TMEM25: variants seen among roughly 807,000 people sequenced by gnomAD.
TMEM25 encodes the protein 0610039J01Rik.
In TMEM25, 36 loss-of-function variants were observed where a neutral mutation model predicts 37.0. That is an observed-to-expected ratio of 0.97 (90% confidence interval 0.75 to 1.28). The LOEUF (loss-of-function observed/expected upper bound fraction) is 1.28. Among genes scored for constraint, TMEM25 ranks in the 50% most tolerant of loss-of-function variants. The probability of loss-of-function intolerance (pLI) is 0.00; values close to 1 mark genes in which losing one functional copy is unlikely to be tolerated. For missense variants in TMEM25, 444 were observed against 477.9 expected (o/e 0.93, Z 0.66); for synonymous variants, 197 against 203.7 (o/e 0.97, Z 0.28).
chr11:118,536,964 TC>T (rs1395629876), downstream of TMEM25, among the ~76,000 whole-genome samples: 132 of 152,286 alleles, frequency 8.7e-4, no homozygotes, highest in African/African-American at 3.1e-3. Flanking sequence ...AGCCTTGAAC[TC>T]CTGTGTTCAA....
chr11:118,541,223 G>A (rs1425732849), intron 8 of TMEM25, among the ~76,000 whole-genome samples: 2 of 152,068 alleles, frequency 1.3e-5, no homozygotes, highest in South Asian at 2.1e-4. Flanking sequence ...AGCACTTTGG[G>A]AGGCCAAGGC....
downstream of TMEM25, among the ~76,000 whole-genome samples, chr11:118,540,227 A>G (rs990011300): frequency 6.6e-6 from 1 of 151,592 alleles, no homozygotes; most frequent in Non-Finnish European, 1.5e-5. Context: ...CTCCTGCCTC[A>G]GCCTCCCCAC....
chr11:118,535,234 C>A lies in TMEM25; in HGVS notation c.*654C>A. ...TAGGTTACACGTTGGACCTTCTCTACTACTTCACTGGGCACTAGACTTTTC... is the reference window on the plus strand; with the variant it reads ...TAGGTTACACGTTGGACCTTCTCTAATACTTCACTGGGCACTAGACTTTTC... On this transcript the variant is annotated 3_prime_UTR_variant, in exon 9 of 9. Coordinates refer to ENST00000313236, the MANE Select transcript of TMEM25 (RefSeq NM_032780.4). 8.7e-7 allele frequency: 1 copy of A among 1,145,808 alleles called. No individual in the cohort carries two copies. The highest frequency in any genetic ancestry group is 1.1e-6 in the Non-Finnish European group (1 of 932,166). The allele number at this position is 1,145,808 out of a possible 1,614,324, so 71.0% of individuals were successfully genotyped here.
rs1305656082 is a variant in TMEM25, at chr11:118,534,666, C to T, written c.*86C>T. On this transcript the variant is annotated 3_prime_UTR_variant, in exon 9 of 9. Coordinates refer to ENST00000313236, the MANE Select transcript of TMEM25 (RefSeq NM_032780.4). The surrounding 1 kb of genome is among the most constrained non-coding windows in gnomAD (Gnocchi z 4.6). ...ATCCTCTACCTAGCTAGGTCACCAA[C>T]GTGAAGAAGTTATGCCACTGCCACT... The T allele has an allele frequency of 8.9e-6, 14 of 1,565,114 alleles. No homozygotes were observed. The East Asian group carries it at 1.6e-4, about 18-fold the overall frequency.
chr11:118,539,599 A>G (rs117064202), downstream of TMEM25, among the ~76,000 whole-genome samples: 648 of 152,154 alleles, frequency 4.3e-3, 5 homozygotes, highest in Non-Finnish European at 7.2e-3. Flanking sequence ...ACCATGAGAG[A>G]TAGGGGGTCC....
At chr11:118,532,717 C>T in intron 3 of TMEM25, 200 bp from the exon 4 acceptor site, 1 of 818,616 alleles carries the variant, frequency 1.2e-6, no homozygotes, top group Non-Finnish European at 1.9e-6. Context: ...AGCCAGGATT[C>T]ACATCTGGGC....
intron 8 of TMEM25, among the ~76,000 whole-genome samples, chr11:118,541,346 T>C (rs1166769776): frequency 2.0e-5 from 3 of 150,904 alleles, no homozygotes; most frequent in Non-Finnish European, 4.4e-5. Flanking sequence ...CCTGTAGTCC[T>C]AACTACTCGG....
At chr11:118,545,588 G>C in intron 8 of TMEM25, 1 of 1,180,176 alleles carries the variant, frequency 8.5e-7, no homozygotes, top group Non-Finnish European at 1.3e-6. Flanking sequence ...TGGCAGATGG[G>C]GTGTCGCTAT....
chr11:118,537,758 G>C (rs1392733399), downstream of TMEM25, among the ~76,000 whole-genome samples: 1 of 152,078 alleles, frequency 6.6e-6, no homozygotes, highest in Non-Finnish European at 1.5e-5. Flanking sequence ...TTTAGTTTCT[G>C]AGAAATTACA....
chr11:118,531,328 C>T (rs1238656271), intron 1 of TMEM25, 94 bp downstream of exon 1: 1 of 335,852 alleles, frequency 3.0e-6, no homozygotes, highest in African/African-American at 2.2e-5. Context: ...CCGGAGCCAC[C>T]AACATCAGGA....
Position 118,533,197 on chromosome 11 carries a change from T to C in TMEM25, c.663T>C (p.Leu221=). 1.3e-6 allele frequency: 2 copies of C among 1,595,452 alleles called. No homozygotes were observed. Among genetic ancestry groups the C allele is most frequent in the Non-Finnish European group, 1.7e-6 (2 of 1,174,774 alleles). Residue 221 remains leucine, a synonymous_variant, in exon 4 of 9, where the codon CTT becomes CTC. Transcript: ENST00000313236. The part of the protein sequence containing the change: ...TNDVGVTSAS[L]PAPGLLATRV... Reference sequence around the variant, plus strand: ...ACGTGGGTGTCACCAGTGCGTCGCTTCCAGCCCCAGGTGAGCATGGCCAGC... The same window carrying C: ...ACGTGGGTGTCACCAGTGCGTCGCTCCCAGCCCCAGGTGAGCATGGCCAGC...
Position 118,533,030 on chromosome 11 carries a change from A to C in TMEM25, c.496A>C (p.Ile166Leu), listed in dbSNP as rs201591547. 1 of 1,614,226 alleles carries C rather than the reference A, an allele frequency of 6.2e-7. No individual in the cohort carries two copies. Residue 166 changes from isoleucine (I) to leucine (L), a missense_variant, in exon 4 of 9, where the codon ATC (isoleucine) becomes CTC (leucine). Coordinates refer to ENST00000313236, the MANE Select transcript of TMEM25 (RefSeq NM_032780.4). The stretch of plus-strand genomic sequence containing the variant: ...CAACCCGCCGGCCAATGTCACCTGG[A>C]TCGACCAGGATGGGCCAGTGACTGT... Reference protein sequence around the residue: ...RANPPANVTWIDQDGPVTVNT... With the variant: ...RANPPANVTWLDQDGPVTVNT...
chr11:118,542,941 C>A (rs974633048), intron 8 of TMEM25, among the ~76,000 whole-genome samples: 1 of 147,804 alleles, frequency 6.8e-6, no homozygotes, highest in Non-Finnish European at 1.5e-5. Context: ...AAACAAAAAA[C>A]CAAAAATTTG....
At chr11:118,531,527 G>A (rs1951264991) in intron 1 of TMEM25, 1 of 551,370 alleles carries the variant, frequency 1.8e-6, no homozygotes, top group East Asian at 3.0e-5. Flanking sequence ...GTATCTGCGG[G>A]TGTGTGCCTC....
chr11:118,545,553 C>T (rs76068633), intron 8 of TMEM25: 21,987 of 1,419,660 alleles, frequency 0.015, 208 homozygotes, highest in Non-Finnish European at 0.019. Context: ...ATTAGAGGCC[C>T]TTCTGTCTAG....
chr11:118,544,863 C>T, intron 8 of TMEM25: 12 of 1,291,300 alleles, frequency 9.3e-6, no homozygotes, highest in Non-Finnish European at 1.3e-5. Context: ...CTGTCCATCT[C>T]AGCTGGGGCA....
downstream of TMEM25, among the ~76,000 whole-genome samples, chr11:118,536,448 C>T (rs1951511944): frequency 1.3e-5 from 2 of 152,196 alleles, no homozygotes; most frequent in African/African-American, 4.8e-5. Flanking sequence ...CCGCCTCAGC[C>T]TCCCAAAGTG....
rs782657279 is a variant in TMEM25 at position 118,545,891 on chromosome 11, G to C, written c.1028-228G>C. On this transcript the variant is annotated intron_variant, in intron 8 of 8. Transcript: ENST00000354284. ...TGGAAGGACCAAAGTCAAAAGGATG[G>C]TGTCAGTGGTCCCAGAACCACTCTC... is the stretch of plus-strand genomic sequence containing the variant. The C allele has an allele frequency of 4.4e-6, 7 of 1,581,594 alleles. 1 individual carries two copies. In the Admixed American group the frequency reaches 5.0e-5, roughly 11 times the overall value.
At chr11:118,543,057 C>T (rs1408826077) in intron 8 of TMEM25, among the ~76,000 whole-genome samples, 2 of 151,556 alleles carry the variant, frequency 1.3e-5, no homozygotes, top group Non-Finnish European at 2.9e-5. Flanking sequence ...CTGGCTAACA[C>T]GGTGAAACTC....
Sources: allele counts gnomAD v4.1 joint callset (sites outside exome capture counted in the v4.1 genomes callset), GRCh38; gene constraint gnomAD v4.1.1; non-coding constraint Gnocchi (gnomAD v3.1); transcripts MANE v1.5; gene names NCBI Gene and HGNC (gene_info 2026-07-23, HGNC 2026-07-21).